Variants in TNFRSF8 observed in about 807,000 individuals in gnomAD.
TNFRSF8 encodes tumor necrosis factor receptor superfamily member 8.
Under a neutral mutation model 70.8 loss-of-function variants are expected in TNFRSF8, and 26 were observed. The observed-to-expected ratio is 0.37, with a 90% CI of 0.27 to 0.51. The LOEUF is 0.51. Ranked by LOEUF, TNFRSF8 falls within the 20% of genes least tolerant of loss-of-function variation. The pLI is 0.94. For synonymous variants in TNFRSF8, 356 were observed against 339.2 expected (o/e 1.05, Z -0.54); for missense variants, 720 against 807.9 (o/e 0.89, Z 1.32).
intron 2 of TNFRSF8, among the ~76,000 whole-genome samples, chr1:12,092,418 C>T (rs192784553): frequency 6.6e-6 from 1 of 152,152 alleles, no homozygotes; most frequent in East Asian, 1.9e-4. Context: ...AGTGATCCTT[C>T]CATTTCAGCC....
chr1:12,128,498 C>T (rs1297902470), intron 12 of TNFRSF8, among the ~76,000 whole-genome samples: 2 of 152,254 alleles, frequency 1.3e-5, no homozygotes, highest in African/African-American at 4.8e-5. Flanking sequence ...CCTCCGGTGG[C>T]CTGTGAGGTA....
intron 2 of TNFRSF8, among the ~76,000 whole-genome samples, chr1:12,085,448 C>T (rs986940485): frequency 1.3e-5 from 2 of 152,170 alleles, no homozygotes; most frequent in Non-Finnish European, 1.5e-5. Context: ...GACAAAGTCT[C>T]GCTATATTGC....
chr1:12,071,232 A>T (rs1003291827), intron 1 of TNFRSF8, among the ~76,000 whole-genome samples: 3 of 152,196 alleles, frequency 2.0e-5, no homozygotes, highest in African/African-American at 7.2e-5. Context: ...TGGGGCCAGG[A>T]GTTTGAGACC....
chr1:12,138,342 G>T lies in TNFRSF8; in HGVS notation c.1449G>T (p.Leu483=). The T allele has an allele frequency of 6.2e-7, 1 of 1,613,810 alleles. No individual in the cohort carries two copies. Among genetic ancestry groups the T allele is most frequent in the Non-Finnish European group, 8.5e-7 (1 of 1,179,960 alleles). ...HSVGAAYLES[L]PLQDASPAGG... The stretch of plus-strand genomic sequence containing the variant: ...TGGGGGCAGCCTACCTGGAGAGCCT[G>T]CCGCTGCAGGATGCCAGCCCGGCCG... Residue 483 remains leucine (L), a synonymous_variant, in exon 14 of 15, where the codon CTG becomes CTT. Coordinates refer to ENST00000263932, the MANE Select transcript of TNFRSF8 (RefSeq NM_001243.5). The surrounding 1 kb of genome is among the most constrained non-coding windows in gnomAD (Gnocchi z 5.7).
At chr1:12,066,177 GGT>G (rs1359436031) in intron 1 of TNFRSF8, among the ~76,000 whole-genome samples, 5 of 152,086 alleles carry the variant, frequency 3.3e-5, no homozygotes, top group African/African-American at 1.2e-4. Context: ...TCAGGCACTA[GGT>G]CATTTCTTGG....
intron 3 of TNFRSF8, among the ~76,000 whole-genome samples, chr1:12,098,722 C>A (rs1177235568): frequency 2.0e-5 from 3 of 151,464 alleles, no homozygotes; most frequent in African/African-American, 7.3e-5. Context: ...TTATGAAAAT[C>A]AGTAAGTGGT....
intron 2 of TNFRSF8, among the ~76,000 whole-genome samples, chr1:12,093,611 G>C (rs574104229): frequency 6.6e-6 from 1 of 151,924 alleles, no homozygotes. Context: ...CGCTATGCCC[G>C]CTCACTGCAA....
At chr1:12,078,591 G>A (rs1289007760) in intron 1 of TNFRSF8, among the ~76,000 whole-genome samples, 6 of 152,002 alleles carry the variant, frequency 3.9e-5, no homozygotes, top group Non-Finnish European at 7.4e-5. Context: ...AAAACCCTCA[G>A]TCTCATGGGG....
chr1:12,094,058 C>CAAAAAA (rs778868213), intron 2 of TNFRSF8, among the ~76,000 whole-genome samples: 7 of 84,684 alleles, frequency 8.3e-5, no homozygotes, highest in South Asian at 4.7e-4. Context: ...GACTTTGTCT[C>CAAAAAA]AAAAAAAAAA....
Position 12,138,367 on chromosome 1 carries a change from G to A in TNFRSF8, c.1474G>A (p.Gly492Arg), listed in dbSNP as rs373470708. The A allele has an allele frequency of 3.7e-5, 60 of 1,613,496 alleles. No individual in the cohort carries two copies. The highest frequency in any genetic ancestry group is 3.3e-4 in the Middle Eastern group (2 of 6,076). ...GCCGCTGCAGGATGCCAGCCCGGCC[G>A]GGGGCCCCTCGTCCCCCAGGGACCT... The part of the protein sequence containing the change: ...SLPLQDASPA[G>R]GPSSPRDLPE... The change falls in exon 14 of 15, where the codon GGG becomes AGG. Residue 492 changes from glycine (G) to arginine (R), a missense_variant. Gly to Arg is a moderately radical substitution (Grantham distance 125, BLOSUM62 -2). Transcript: ENST00000263932. This position sits in a 1 kb window ranked among gnomAD's most constrained non-coding sequence, Gnocchi z 5.7.
intron 14 of TNFRSF8, among the ~76,000 whole-genome samples, chr1:12,140,649 G>C (rs1387076449): frequency 6.6e-6 from 1 of 152,170 alleles, no homozygotes; most frequent in African/African-American, 2.4e-5. Flanking sequence ...AGTGGGAGCT[G>C]CTTCCTCACC....
chr1:12,134,263 T>G (rs1642105600), intron 12 of TNFRSF8, among the ~76,000 whole-genome samples: 1 of 152,132 alleles, frequency 6.6e-6, no homozygotes, highest in Non-Finnish European at 1.5e-5. Context: ...GTGGCAGATT[T>G]GTCTAGCCAG....
intron 8 of TNFRSF8, among the ~76,000 whole-genome samples, chr1:12,117,673 T>C (rs1483664489): frequency 6.6e-6 from 1 of 152,204 alleles, no homozygotes; most frequent in Non-Finnish European, 1.5e-5. Flanking sequence ...GACTGGAATA[T>C]TCAGTAGAGT....
chr1:12,122,601 C>T (rs1475292533), intron 8 of TNFRSF8, among the ~76,000 whole-genome samples: 3 of 151,766 alleles, frequency 2.0e-5, no homozygotes, highest in East Asian at 2.0e-4. Context: ...GAGCTGAGAT[C>T]GTGCCACTGC....
In TNFRSF8 at chr1:12,097,101, G is replaced by A. The variant is rs762279382; in HGVS notation, c.152G>A (p.Gly51Glu). Residue 51 changes from glycine to glutamate, a missense_variant and splice_region_variant, in exon 3 of 15, where the codon GGG becomes GAG. Coordinates refer to ENST00000263932, the MANE Select transcript of TNFRSF8 (RefSeq NM_001243.5). ...GGAGCTTCTCTGTTTCTTTTCCCAG[G>A]GCTGTTCCCGACACAGCAGTGCCCA... ...VRRCCYRCPMGLFPTQQCPQR... is the reference protein window; with the variant it reads ...VRRCCYRCPMELFPTQQCPQR... The A allele has an allele frequency of 1.2e-6, 2 of 1,613,090 alleles. No individual in the cohort carries two copies. The highest frequency in any genetic ancestry group is 2.2e-5 in the East Asian group (1 of 44,872).
intron 2 of TNFRSF8, among the ~76,000 whole-genome samples, chr1:12,087,149 ATT>A (rs1641168138): frequency 1.0e-5 from 1 of 98,522 alleles, no homozygotes; most frequent in Non-Finnish European, 2.1e-5. Flanking sequence ...ACAAATTTTT[ATT>A]TCTCTCTCTC....
intron 14 of TNFRSF8, among the ~76,000 whole-genome samples, chr1:12,139,869 C>T (rs1037807106): frequency 6.6e-6 from 1 of 152,228 alleles, no homozygotes; most frequent in African/African-American, 2.4e-5. Flanking sequence ...CTCCTGGCCT[C>T]AAGGTGATCT....
chr1:12,129,809 G>A lies in TNFRSF8; in HGVS notation c.1309+3573G>A, dbSNP rs971853575. The stretch of plus-strand genomic sequence containing the variant: ...TCCTGCCGGGCCTCTCCACTGTGAC[G>A]TCTCCATTTGCTCCTCGGTCATTAC... On this transcript the variant is annotated intron_variant, in intron 12 of 14. Transcript: ENST00000263932. Among the ~76,000 whole-genome samples, 13 of 152,284 alleles carry A rather than the reference G, an allele frequency of 8.5e-5. No individual in the cohort carries two copies. The East Asian group carries it at 1.2e-3, about 14-fold the overall frequency.
At chr1:12,076,097 C>T (rs142802298) in intron 1 of TNFRSF8, among the ~76,000 whole-genome samples, 33 of 139,456 alleles carry the variant, frequency 2.4e-4, no homozygotes, top group Non-Finnish European at 2.6e-4. Flanking sequence ...TTTTTTTTTT[C>T]TTTTTCTTTT....
Sources: allele counts gnomAD v4.1 joint callset (sites outside exome capture counted in the v4.1 genomes callset), GRCh38; gene constraint gnomAD v4.1.1; non-coding constraint Gnocchi (gnomAD v3.1); transcripts MANE v1.5; gene names NCBI Gene and HGNC (gene_info 2026-07-23, HGNC 2026-07-21).